The following HTR2A variants were observed in gnomAD, a reference collection of about 807,000 sequenced individuals.
The protein encoded by HTR2A is 5-HT2 receptor.
HTR2A carries 14 observed loss-of-function variants against 31.0 expected under a neutral mutation model. The ratio of observed to expected loss-of-function variants is 0.45; its 90% CI spans 0.30 to 0.71. The LOEUF is 0.71. Ranked by LOEUF, HTR2A falls within the 30% of genes least tolerant of loss-of-function variation. The pLI is 0.09. For missense variants in HTR2A, 442 were observed against 573.3 expected (o/e 0.77, Z 2.34); for synonymous variants, 209 against 225.2 (o/e 0.93, Z 0.64).
intron 2 of HTR2A, among the ~76,000 whole-genome samples, chr13:46,893,570 T>A (rs1389740761): frequency 6.6e-6 from 1 of 152,190 alleles, no homozygotes; most frequent in Non-Finnish European, 1.5e-5. Flanking sequence ...TGGGCTGAGG[T>A]GGACATCAAA....
intron 3 of HTR2A, among the ~76,000 whole-genome samples, chr13:46,884,163 C>T (rs1950987945): frequency 6.6e-6 from 1 of 152,224 alleles, no homozygotes. Flanking sequence ...ATATTTGTGA[C>T]AGGCCGGGTG....
At chr13:46,877,540 G>A (rs974504712) in intron 3 of HTR2A, among the ~76,000 whole-genome samples, 3 of 152,096 alleles carry the variant, frequency 2.0e-5, no homozygotes, top group Non-Finnish European at 4.4e-5. Context: ...TTTTTTCAAA[G>A]TGCTTGCAGA....
At chr13:46,866,153 G>C (rs1950816824) in intron 3 of HTR2A, among the ~76,000 whole-genome samples, 1 of 152,162 alleles carries the variant, frequency 6.6e-6, no homozygotes, top group Admixed American at 6.5e-5. Flanking sequence ...CAGCAGTCCT[G>C]ACTTGGAGAG....
intron 3 of HTR2A, among the ~76,000 whole-genome samples, chr13:46,875,963 A>G (rs1950906640): frequency 6.6e-6 from 1 of 152,248 alleles, no homozygotes; most frequent in African/African-American, 2.4e-5. Flanking sequence ...AGTCTTCAGC[A>G]TTCTTTCCAG....
chr13:46,895,639 C>T lies in HTR2A; in HGVS notation c.268G>A (p.Ala90Thr). The change falls in exon 2 of 4, where the codon GCT becomes ACT. Residue 90 changes from alanine to threonine, a missense_variant. Ala to Thr is a moderately conservative substitution (Grantham distance 58). Around this residue, in one of 5 missense-constraint regions of HTR2A, gnomAD observed 86 missense variants for 179.1 expected, o/e 0.48. Coordinates refer to ENST00000542664, the MANE Select transcript of HTR2A (RefSeq NM_000621.5). This position sits in a 1 kb window ranked among gnomAD's most constrained non-coding sequence, Gnocchi z 4.4. Reference sequence around the variant, plus strand: ...GCCATGATGACGAGTATGTTTCCAGCAATAGTTAGAATAATCACTACGGCT... The same window carrying T: ...GCCATGATGACGAGTATGTTTCCAGTAATAGTTAGAATAATCACTACGGCT... Reference protein sequence around the residue: ...LTAVVIILTIAGNILVIMAVS... With the variant: ...LTAVVIILTITGNILVIMAVS... 6.2e-7 allele frequency: 1 copy of T among 1,614,098 alleles called. No homozygotes were observed.
chr13:46,839,834 A>G (rs1950585099), intron 3 of HTR2A, among the ~76,000 whole-genome samples: 2 of 152,160 alleles, frequency 1.3e-5, no homozygotes, highest in Admixed American at 1.3e-4. Flanking sequence ...TAAACTTTGC[A>G]CCTCTAGTTA....
At position 46,835,589 on chromosome 13, in the gene HTR2A, A is replaced by G. The variant is rs752855190; in HGVS notation, c.664T>C (p.Phe222Leu). ...GCGAGTAAGCAACTCCCCTCCTTAAAGACCTTCGAATCGTCCTGTAGCCCA... is the reference window on the plus strand; with the variant it reads ...GCGAGTAAGCAACTCCCCTCCTTAAGGACCTTCGAATCGTCCTGTAGCCCA... ...VFGLQDDSKV[F>L]KEGSCLLADD... The change falls in exon 4 of 4, where the codon TTT becomes CTT. Residue 222 changes from phenylalanine (F) to leucine (L), a missense_variant. This residue lies in a region of HTR2A where 174 missense variants were observed against 195.1 expected (regional missense o/e 0.89). Coordinates refer to ENST00000542664, the MANE Select transcript of HTR2A (RefSeq NM_000621.5). The G allele has an allele frequency of 6.2e-7, 1 of 1,614,004 alleles. No individual in the cohort carries two copies. The highest frequency in any genetic ancestry group is 1.1e-5 in the South Asian group (1 of 91,072).
chr13:46,846,751 T>G (rs1950645924), intron 3 of HTR2A, among the ~76,000 whole-genome samples: 1 of 152,230 alleles, frequency 6.6e-6, no homozygotes, highest in Non-Finnish European at 1.5e-5. Flanking sequence ...GTCCTTTCTC[T>G]GTGGGAAGAA....
At chr13:46,887,456 A>G (rs1319008377) in intron 3 of HTR2A, among the ~76,000 whole-genome samples, 1 of 151,254 alleles carries the variant, frequency 6.6e-6, no homozygotes, top group Non-Finnish European at 1.5e-5. Context: ...AGGCATACAC[A>G]GTACTCAATT....
chr13:46,867,036 TAAGTG>T (rs1338268165), intron 3 of HTR2A, among the ~76,000 whole-genome samples: 1 of 151,968 alleles, frequency 6.6e-6, no homozygotes, highest in African/African-American at 2.4e-5. Context: ...CAAAAAGTGA[TAAGTG>T]AGGGAGATAG....
rs1010455882 is a variant in HTR2A at position 46,834,887 on chromosome 13, C to A, written c.1366G>T (p.Ala456Ser). 1.9e-6 allele frequency: 3 copies of A among 1,613,882 alleles called. No individual in the cohort carries two copies. Among genetic ancestry groups the A allele is most frequent in the Admixed American group, 3.3e-5 (2 of 59,968 alleles). ...ACTCCGTCGCTATTGTCTTTAGAAG[C>A]CTCTTCAGAATGCTGCTTTCCTAGA... ...VALGKQHSEEASKDNSDGVNE... is the reference protein window; with the variant it reads ...VALGKQHSEESSKDNSDGVNE... The change falls in exon 4 of 4, where the codon GCT becomes TCT. Residue 456 changes from alanine to serine, a missense_variant. By Grantham distance (99) the Ala-to-Ser change is moderately conservative (BLOSUM62 1). This residue lies in a region of HTR2A where 88 missense variants were observed against 83.1 expected (regional missense o/e 1.06). Coordinates refer to ENST00000542664, the MANE Select transcript of HTR2A (RefSeq NM_000621.5).
In HTR2A at chr13:46,896,693, A is replaced by G. The variant is rs1325375215; in HGVS notation, c.-348T>C. 5 of 1,534,434 alleles carry G rather than the reference A, an allele frequency of 3.3e-6. No individual in the cohort carries two copies. Among genetic ancestry groups the G allele is most frequent in the Non-Finnish European group, 4.4e-6 (5 of 1,145,358 alleles). On this transcript the variant is annotated 5_prime_UTR_variant, in exon 1 of 4. Transcript: ENST00000542664. ...ACTTACATTTGTCTTCAGGGTCCAC[A>G]CATGAGATACATTTGTTATTCTGTG...
chr13:46,865,119 T>A (rs1432765807), intron 3 of HTR2A, among the ~76,000 whole-genome samples: 9 of 152,328 alleles, frequency 5.9e-5, no homozygotes, highest in Non-Finnish European at 1.0e-4. Context: ...TTCTCCTTCC[T>A]CCGGATCTTG....
At chr13:46,865,159 C>A (rs1382012227) in intron 3 of HTR2A, among the ~76,000 whole-genome samples, 2 of 152,122 alleles carry the variant, frequency 1.3e-5, no homozygotes, top group East Asian at 3.8e-4. Flanking sequence ...GTTTTGCCAC[C>A]CTTCCTCACT....
chr13:46,864,520 C>T (rs1950805104), intron 3 of HTR2A, among the ~76,000 whole-genome samples: 1 of 152,164 alleles, frequency 6.6e-6, no homozygotes, highest in African/African-American at 2.4e-5. Flanking sequence ...GACCAAGGAG[C>T]CATCTCTCTG....
chr13:46,894,006 AT>A (rs1951077505), intron 2 of HTR2A, among the ~76,000 whole-genome samples: 1 of 152,230 alleles, frequency 6.6e-6, no homozygotes, highest in Non-Finnish European at 1.5e-5. Context: ...GCAGCGCCTT[AT>A]GGGGGAAGCC....
chr13:46,884,133 T>G (rs1950987686), intron 3 of HTR2A, among the ~76,000 whole-genome samples: 1 of 152,222 alleles, frequency 6.6e-6, no homozygotes, highest in Non-Finnish European at 1.5e-5. Flanking sequence ...ATGGATCATC[T>G]GAAACACTTT....
intron 3 of HTR2A, among the ~76,000 whole-genome samples, chr13:46,888,470 GAA>G (rs34023544): frequency 6.1e-5 from 9 of 147,026 alleles, no homozygotes; most frequent in African/African-American, 1.0e-4. Flanking sequence ...ATGAAGTGCT[GAA>G]AAAAAAAAAA....
chr13:46,841,460 C>T (rs186678092), intron 3 of HTR2A, among the ~76,000 whole-genome samples: 56 of 151,808 alleles, frequency 3.7e-4, no homozygotes, highest in African/African-American at 1.1e-3. Flanking sequence ...AAGTTATTCT[C>T]AACTGTAGCT....
Sources: allele counts gnomAD v4.1 joint callset (sites outside exome capture counted in the v4.1 genomes callset), GRCh38; gene constraint gnomAD v4.1.1; regional missense constraint gnomAD v4.1.1; non-coding constraint Gnocchi (gnomAD v3.1); transcripts MANE v1.5; gene names NCBI Gene and HGNC (gene_info 2026-07-23, HGNC 2026-07-21).